Variants in CFAP77 observed in about 807,000 individuals in gnomAD.
CFAP77 encodes the protein cilia and flagella associated protein 77.
In CFAP77, 25 loss-of-function variants were observed where a neutral mutation model predicts 31.1. That is an observed-to-expected ratio of 0.80 (90% CI 0.59 to 1.12). The LOEUF is 1.12. Among genes scored for constraint, CFAP77 ranks in the 50% most tolerant of loss-of-function variants. The pLI, the probability that CFAP77 is intolerant of heterozygous loss-of-function variation, is 0.00. For synonymous variants in CFAP77, 151 were observed against 159.9 expected (o/e 0.94, Z 0.42); for missense variants, 377 against 397.3 (o/e 0.95, Z 0.44).
chr9:132,548,759 T>C (rs72767825), intron 5 of CFAP77, among the ~76,000 whole-genome samples: 16,595 of 130,236 alleles, frequency 0.13, 971 homozygotes, highest in Middle Eastern at 0.17. Flanking sequence ...CTCTGTACAC[T>C]TCCAATACCC....
At chr9:132,523,173 C>T (rs1352817145) in intron 3 of CFAP77, among the ~76,000 whole-genome samples, 2 of 151,768 alleles carry the variant, frequency 1.3e-5, no homozygotes, top group African/African-American at 2.4e-5. Context: ...CTGTAACCTC[C>T]GTCTTCCGGG....
At chr9:132,540,548 A>C (rs1852623266) in intron 4 of CFAP77, among the ~76,000 whole-genome samples, 1 of 152,206 alleles carries the variant, frequency 6.6e-6, no homozygotes, top group Non-Finnish European at 1.5e-5. Flanking sequence ...CAAAAGACAG[A>C]TTTGCAAGAG....
chr9:132,423,464 C>A (rs1334095644), intron 1 of CFAP77, among the ~76,000 whole-genome samples: 4 of 152,224 alleles, frequency 2.6e-5, no homozygotes, highest in Non-Finnish European at 5.9e-5. Context: ...CTGTGCCTCT[C>A]CCTTACATCT....
chr9:132,478,387 C>G (rs1314681929), intron 1 of CFAP77, among the ~76,000 whole-genome samples: 2 of 152,116 alleles, frequency 1.3e-5, no homozygotes, highest in Non-Finnish European at 2.9e-5. Context: ...TGGTTCCCCC[C>G]ATTTGTTCTG....
intron 1 of CFAP77, among the ~76,000 whole-genome samples, chr9:132,475,935 T>A (rs1851340515): frequency 6.6e-6 from 1 of 152,242 alleles, no homozygotes. Flanking sequence ...TGGCACAGCC[T>A]GGCCCCATGA....
chr9:132,430,539 T>C (rs569529176), intron 1 of CFAP77, among the ~76,000 whole-genome samples: 1 of 152,332 alleles, frequency 6.6e-6, no homozygotes, highest in South Asian at 2.1e-4. Flanking sequence ...TCCTGTGAAC[T>C]AGAAAACCAC....
intron 5 of CFAP77, among the ~76,000 whole-genome samples, chr9:132,571,730 C>G (rs1829961711): frequency 6.6e-6 from 1 of 152,148 alleles, no homozygotes; most frequent in African/African-American, 2.4e-5. Context: ...TTTTGTAGCA[C>G]TTGGAGGTGA....
At chr9:132,519,801 T>G in intron 3 of CFAP77, among the ~76,000 whole-genome samples, 1 of 143,108 alleles carries the variant, frequency 7.0e-6, no homozygotes. Context: ...GATGGATGGA[T>G]GAATGGGTGG....
At chr9:132,486,508 C>G (rs1046895115) in intron 1 of CFAP77, among the ~76,000 whole-genome samples, 1 of 152,170 alleles carries the variant, frequency 6.6e-6, no homozygotes, top group African/African-American at 2.4e-5. Context: ...CTGCGAGTGA[C>G]CTGGCTCTGT....
intron 1 of CFAP77, among the ~76,000 whole-genome samples, chr9:132,485,191 A>G (rs973800155): frequency 6.6e-6 from 1 of 152,220 alleles, no homozygotes; most frequent in African/African-American, 2.4e-5. Flanking sequence ...TGATAATTCA[A>G]AATAGCAGAG....
At chr9:132,521,914 A>G (rs2015138) in intron 3 of CFAP77, among the ~76,000 whole-genome samples, 66,543 of 151,410 alleles carry the variant, frequency 0.44, 15,202 homozygotes, top group East Asian at 0.77. Flanking sequence ...GGTGCACGCC[A>G]CCATGCCGAA....
intron 3 of CFAP77, among the ~76,000 whole-genome samples, chr9:132,533,157 G>C (rs908547051): frequency 1.3e-5 from 2 of 152,210 alleles, no homozygotes; most frequent in African/African-American, 2.4e-5. Context: ...GAGGTGCCCT[G>C]AACGAGATCC....
At chr9:132,441,071 C>T (rs565740232) in intron 1 of CFAP77, among the ~76,000 whole-genome samples, 139 of 152,306 alleles carry the variant, frequency 9.1e-4, no homozygotes, top group Non-Finnish European at 1.6e-3. Flanking sequence ...CCTCCTTATT[C>T]CCTTTTCCTC....
intron 1 of CFAP77, among the ~76,000 whole-genome samples, chr9:132,444,807 G>T (rs1321432229): frequency 6.6e-6 from 1 of 152,032 alleles, no homozygotes; most frequent in Non-Finnish European, 1.5e-5. Context: ...AGAGTTACGT[G>T]GCATTAAATG....
In CFAP77 at chr9:132,424,380, C is replaced by T. The variant is rs374380615; in HGVS notation, c.195+13914C>T. On this transcript the variant is annotated intron_variant, in intron 1 of 5. Coordinates refer to ENST00000393216, the MANE Select transcript of CFAP77 (RefSeq NM_001282957.2). The surrounding 1 kb of genome is among the most constrained non-coding windows in gnomAD (Gnocchi z 4.1). ...TCGTGCCACTGCACTCCAGCCTGGGCGACAGAGCAAGACTCCATCTCAAAA... is the reference window on the plus strand; with the variant it reads ...TCGTGCCACTGCACTCCAGCCTGGGTGACAGAGCAAGACTCCATCTCAAAA... Among the ~76,000 whole-genome samples, 22 of 151,572 alleles carry T rather than the reference C, an allele frequency of 1.5e-4. No homozygotes were observed. The East Asian group carries it at 3.5e-3, about 24-fold the overall frequency.
intron 1 of CFAP77, among the ~76,000 whole-genome samples, chr9:132,456,622 C>T (rs1850919161): frequency 6.6e-6 from 1 of 152,172 alleles, no homozygotes. Flanking sequence ...ACTCAGCTCC[C>T]TCAGTCCTAA....
chr9:132,475,273 T>C (rs1851331397), intron 1 of CFAP77, among the ~76,000 whole-genome samples: 2 of 152,248 alleles, frequency 1.3e-5, no homozygotes, highest in Admixed American at 6.5e-5. Flanking sequence ...AAAAGGGCAG[T>C]TGGATTCCCC....
chr9:132,491,602 A>G (rs1851654813), intron 1 of CFAP77, among the ~76,000 whole-genome samples: 1 of 152,354 alleles, frequency 6.6e-6, no homozygotes, highest in African/African-American at 2.4e-5. Flanking sequence ...GGCTCTTGGC[A>G]ATTTTGGCTT....
chr9:132,451,338 TAAA>T (rs34713934), intron 1 of CFAP77, among the ~76,000 whole-genome samples: 2,356 of 131,300 alleles, frequency 0.018, 64 homozygotes, highest in African/African-American at 0.061. Context: ...AACTCCATCT[TAAA>T]AAAAAAAAAA....
Sources: gnomAD v4.1 joint callset for allele counts (sites outside exome capture counted in the v4.1 genomes callset) on GRCh38, gnomAD v4.1.1 for gene constraint, Gnocchi (gnomAD v3.1) non-coding constraint, MANE v1.5 for transcripts, NCBI Gene and HGNC (gene_info 2026-07-23, HGNC 2026-07-21) for gene names.